The following ST3GAL5 variants were observed in gnomAD, a reference collection of about 807,000 sequenced individuals.
The protein encoded by ST3GAL5 is ST3 beta-galactoside alpha-2,3-sialyltransferase 5, also known as lactosylceramide alpha-2,3-sialyltransferase.
ST3GAL5 carries 25 observed loss-of-function variants against 46.1 expected under a neutral mutation model. The observed-to-expected ratio is 0.54, with a 90% confidence interval of 0.40 to 0.76. The LOEUF is 0.76. Among genes scored for constraint, ST3GAL5 ranks in the 30% least tolerant of loss-of-function variants. The probability of loss-of-function intolerance (pLI) is 0.00; values close to 1 mark genes in which losing one functional copy is unlikely to be tolerated. For synonymous variants in ST3GAL5, 182 were observed against 192.7 expected, an observed-to-expected ratio of 0.94 and a Z score of 0.46; for missense variants, 431 against 521.2, an observed-to-expected ratio of 0.83 and a Z score of 1.69.
In ST3GAL5 at chr2:85,839,243, T is replaced by TA. The variant is rs1041746378; in HGVS notation, c.*900dup. On this transcript the variant is annotated 3_prime_UTR_variant, in exon 7 of 7. Transcript: ENST00000638572. ...GGCATTCAGAAAAGTTTCTTTTTTT[T>TA]AAATACACAATTTATAATACTGGGA... The TA allele has an allele frequency of 4.6e-5, 7 of 152,262 alleles. No homozygotes were observed. Among genetic ancestry groups the TA allele is most frequent in the African/African-American group, 1.7e-4 (7 of 41,468 alleles). The allele number at this position is 152,262 out of a possible 1,614,324, so 9.4% of individuals were successfully genotyped here. A position where few individuals can be genotyped will look rare whatever the true frequency, so the allele number is the denominator to read the frequency against.
At chr2:85,862,390 CTTT>C (rs1245323859) in intron 2 of ST3GAL5, among the ~76,000 whole-genome samples, 1 of 152,056 alleles carries the variant, frequency 6.6e-6, no homozygotes, top group Admixed American at 6.6e-5. Flanking sequence ...CACTGAGACT[CTTT>C]AATACCTTTT....
chr2:85,870,781 A>T (rs1405450055), intron 1 of ST3GAL5, among the ~76,000 whole-genome samples: 1 of 150,950 alleles, frequency 6.6e-6, no homozygotes, highest in Non-Finnish European at 1.5e-5. Flanking sequence ...GGTTCAAGTG[A>T]TTCTCTTGCC....
chr2:85,874,730 G>A (rs547564731), intron 1 of ST3GAL5, among the ~76,000 whole-genome samples: 1 of 151,480 alleles, frequency 6.6e-6, no homozygotes, highest in Non-Finnish European at 1.5e-5. Context: ...AAAGTACCTC[G>A]CATATAAAAG....
In ST3GAL5 at chr2:85,839,840, T is replaced by A. The variant is rs112563884; in HGVS notation, c.*304A>T. On this transcript the variant is annotated 3_prime_UTR_variant, in exon 7 of 7. Transcript: ENST00000638572. ...TGTGCAGTGTAAACGAGCAGAAGTT[T>A]TACAAATTAAATTACTTTCTTAAAA... 1.8e-3 allele frequency: 707 copies of A among 403,468 alleles called. 1 individual carries two copies. The highest frequency in any genetic ancestry group is 0.013 in the African/African-American group (621 of 48,884). The allele number at this position is 403,468 out of a possible 1,614,324, so 25.0% of individuals were successfully genotyped here.
rs756348041 is a variant in ST3GAL5, at chr2:85,837,646, TATA to T, written c.*2495_*2497del. The stretch of plus-strand genomic sequence containing the variant: ...ATCCCAGTTACACAGATTTGCTCCT[TATA>T]ATTACACAAATGTATTACATTATCA... On this transcript the variant is annotated 3_prime_UTR_variant, in exon 7 of 7. Transcript: ENST00000638572. 1.3e-5 allele frequency: 2 copies of T among 152,194 alleles called. No homozygotes were observed. The highest frequency in any genetic ancestry group is 2.9e-5 in the Non-Finnish European group (2 of 68,036). 9.4% of individuals were successfully genotyped at this position (152,194 alleles called of 1,614,324 possible). A position where few individuals can be genotyped will look rare whatever the true frequency, so the allele number is the denominator to read the frequency against.
chr2:85,870,825 C>T (rs942186650), intron 1 of ST3GAL5, among the ~76,000 whole-genome samples: 3 of 151,122 alleles, frequency 2.0e-5, no homozygotes, highest in South Asian at 2.1e-4. Context: ...TACAGGTGCC[C>T]GCCACCATGC....
At position 85,847,853 on chromosome 2, in the gene ST3GAL5, C is replaced by T. The variant is rs1558653241; in HGVS notation, c.662+8G>A. On this transcript the variant is annotated splice_region_variant and intron_variant, in intron 4 of 6. Transcript: ENST00000638572. ...AAGTAAACAAACAAACAAAAAAAAC[C>T]AATGTACCTTATCACAACATCGAAC... The T allele has an allele frequency of 6.2e-7, 1 of 1,613,442 alleles. No individual in the cohort carries two copies. The highest frequency in any genetic ancestry group is 1.6e-4 in the Middle Eastern group (1 of 6,062).
At chr2:85,863,269 T>C in intron 2 of ST3GAL5, 93 bp downstream of exon 2, 1 of 1,605,894 alleles carries the variant, frequency 6.2e-7, no homozygotes, top group East Asian at 2.2e-5. Flanking sequence ...TCTCCAACAT[T>C]AGCCATCTTG....
intron 3 of ST3GAL5, chr2:85,852,907 G>GA: frequency 7.7e-7 from 1 of 1,304,224 alleles, no homozygotes; most frequent in Admixed American, 2.3e-5. Context: ...CAGCACTAAG[G>GA]AGAGAAAAGA....
intron 1 of ST3GAL5, chr2:85,880,781 G>A: frequency 2.1e-6 from 1 of 466,248 alleles, no homozygotes; most frequent in South Asian, 1.7e-5. Context: ...CCAAGATGGT[G>A]CCACTGCACT....
Position 85,861,199 on chromosome 2 carries a change from C to G in ST3GAL5, c.300G>C (p.Val100=). ...ATCTAACCTTTACATGGTCAGGGTC[C>G]ACATAATGCATTTTTTTCATGTCAC... is the stretch of plus-strand genomic sequence containing the variant. ...EECDMKKMHY[V]DPDHVKRAQK... is the part of the protein sequence containing the mutation. The change falls in exon 3 of 7, where the codon GTG becomes GTC. Residue 100 remains valine (V), a synonymous_variant. Transcript: ENST00000638572. The G allele has an allele frequency of 6.2e-7, 1 of 1,609,392 alleles. No individual in the cohort carries two copies.
At chr2:85,862,131 T>C (rs893471443) in intron 2 of ST3GAL5, among the ~76,000 whole-genome samples, 14 of 152,148 alleles carry the variant, frequency 9.2e-5, no homozygotes, top group African/African-American at 1.7e-4. Context: ...CAATGAAGTG[T>C]TGCTGGGAGT....
At position 85,840,361 on chromosome 2, in the gene ST3GAL5, A is replaced by C; in HGVS notation, c.1040T>G (p.Val347Gly). 6.2e-7 allele frequency: 1 copy of C among 1,614,220 alleles called. No individual in the cohort carries two copies. The highest frequency in any genetic ancestry group is 8.5e-7 in the Non-Finnish European group (1 of 1,180,024). ...NVPTIGVIAV[V>G]LATHLCDEVS... Reference sequence around the variant, plus strand: ...TTCATCGCACAGATGTGTGGCTAAGACAACGGCAATGACACCGATTGTGGG... The same window carrying C: ...TTCATCGCACAGATGTGTGGCTAAGCCAACGGCAATGACACCGATTGTGGG... The change falls in exon 7 of 7, where the codon GTC (valine) becomes GGC (glycine). Residue 347 changes from valine to glycine, a missense_variant. Val to Gly is a moderately radical substitution (Grantham distance 109, BLOSUM62 -3). Coordinates refer to ENST00000638572, the MANE Select transcript of ST3GAL5 (RefSeq NM_003896.4).
intron 1 of ST3GAL5, among the ~76,000 whole-genome samples, chr2:85,869,686 G>A (rs1685695749): frequency 6.6e-6 from 1 of 152,194 alleles, no homozygotes; most frequent in Non-Finnish European, 1.5e-5. Context: ...TTATGGAGGT[G>A]CAAAATAAAG....
intron 1 of ST3GAL5, among the ~76,000 whole-genome samples, chr2:85,877,208 T>C (rs1686677073): frequency 6.6e-6 from 1 of 152,238 alleles, no homozygotes; most frequent in Admixed American, 6.5e-5. Context: ...GATTCAGTAC[T>C]GTTACCTAAA....
Position 85,847,893 on chromosome 2 carries a change from G to A in ST3GAL5, c.630C>T (p.Gly210=). 1 of 1,614,004 alleles carries A rather than the reference G, an allele frequency of 6.2e-7. No individual in the cohort carries two copies. The highest frequency in any genetic ancestry group is 8.5e-7 in the Non-Finnish European group (1 of 1,180,030). The change falls in exon 4 of 7, where the codon GGC becomes GGT. Residue 210 remains glycine (G), a synonymous_variant. Transcript: ENST00000638572. The stretch of plus-strand genomic sequence containing the variant: ...CAACATCGAACTGGTTCAGGGTGTG[G>A]CCCAGTTCTAATCCGTGCAGTATTC... The part of the protein sequence containing the change: ...SGGILHGLEL[G]HTLNQFDVVI...
intron 1 of ST3GAL5, among the ~76,000 whole-genome samples, chr2:85,869,117 A>AT (rs1218664473): frequency 2.0e-5 from 3 of 152,248 alleles, no homozygotes; most frequent in East Asian, 3.9e-4. Flanking sequence ...TGGTGTGATC[A>AT]TAACTCACTG....
intron 3 of ST3GAL5, chr2:85,855,669 G>A (rs930289030): frequency 5.3e-5 from 8 of 152,282 alleles, no homozygotes; most frequent in South Asian, 2.1e-4. Context: ...AACTTAGAGA[G>A]TGGAGAAAAT....
Position 85,844,486 on chromosome 2 carries a change from G to A in ST3GAL5, c.918C>T (p.Phe306=). 6.2e-7 allele frequency: 1 copy of A among 1,614,182 alleles called. No homozygotes were observed. The highest frequency in any genetic ancestry group is 8.5e-7 in the Non-Finnish European group (1 of 1,180,032). Residue 306 remains phenylalanine (F), a synonymous_variant, in exon 6 of 7, where the codon TTC becomes TTT. Transcript: ENST00000638572. ...AEKIPLQPKH[F]RILNPVIIKE... is the part of the protein sequence containing the mutation. Reference sequence around the variant, plus strand: ...TGATGATAACTGGATTCAAAATCCTGAAATGTTTTGGCTGCAGTGGGATTT... The same window carrying A: ...TGATGATAACTGGATTCAAAATCCTAAAATGTTTTGGCTGCAGTGGGATTT...
Sources: allele counts gnomAD v4.1 joint callset (sites outside exome capture counted in the v4.1 genomes callset), GRCh38; gene constraint gnomAD v4.1.1; transcripts MANE v1.5; gene names NCBI Gene and HGNC (gene_info 2026-07-23, HGNC 2026-07-21).